The following ZFAT variants were observed in gnomAD, a reference collection of about 807,000 sequenced individuals.
The protein encoded by ZFAT is zinc finger protein ZFAT.
A neutral mutation model predicts 117.7 loss-of-function variants in ZFAT; 64 were observed. That is an observed-to-expected ratio of 0.54 (90% CI 0.44 to 0.67). ZFAT has a LOEUF of 0.67. ZFAT is among the 30% of genes least tolerant of loss of function. The pLI, the probability that ZFAT is intolerant of heterozygous loss-of-function variation, is 0.00. For synonymous variants in ZFAT, 679 were observed against 615.0 expected (o/e 1.10, Z -1.54); for missense variants, 1,433 against 1,584.5 (o/e 0.90, Z 1.62).
intron 7 of ZFAT, among the ~76,000 whole-genome samples, chr8:134,593,150 G>A (rs575496972): frequency 3.9e-5 from 6 of 152,280 alleles, no homozygotes; most frequent in Admixed American, 2.6e-4. Flanking sequence ...CTCGGTGCCC[G>A]CATCATCAGA....
rs140837596 is a variant in ZFAT at position 134,517,905 on chromosome 8, G to T, written c.3234+2978C>A. Among the ~76,000 whole-genome samples the T allele has an allele frequency of 2.5e-3, 379 of 152,280 alleles. 1 individual carries two copies. The highest frequency in any genetic ancestry group is 8.6e-3 in the African/African-American group (359 of 41,538). On this transcript the variant is annotated intron_variant, in intron 13 of 15. Coordinates refer to ENST00000377838, the MANE Select transcript of ZFAT (RefSeq NM_020863.4). Reference sequence around the variant, plus strand: ...CTTCTCATCTGATCACATGGTATCAGGTCACACATGATGTCAGCATGCTTC... The same window carrying T: ...CTTCTCATCTGATCACATGGTATCATGTCACACATGATGTCAGCATGCTTC...
At chr8:134,660,408 T>C (rs966510054) in intron 1 of ZFAT, among the ~76,000 whole-genome samples, 1 of 152,190 alleles carries the variant, frequency 6.6e-6, no homozygotes, top group Non-Finnish European at 1.5e-5. Context: ...CCAAAGCACA[T>C]ATCAACTTCA....
rs569734352 is a variant in ZFAT, at chr8:134,691,627, C to T, written c.19+21218G>A. ...CAAGTCTCAGCTCCATCCTAGCTTT[C>T]TCAGAGAGACTTTTCGTAAATCCCC... On this transcript the variant is annotated intron_variant, in intron 1 of 15. Coordinates refer to ENST00000377838, the MANE Select transcript of ZFAT (RefSeq NM_020863.4). 2.0e-4 allele frequency among the ~76,000 whole-genome samples: 30 copies of T among 152,334 alleles called. No individual in the cohort carries two copies. The South Asian group carries it at 6.2e-3, about 32-fold the overall frequency.
At chr8:134,736,231 C>T in the ZFAT span, among the ~76,000 whole-genome samples, 48,760 of 152,000 alleles carry the variant, frequency 0.32, 8,123 homozygotes, top group Admixed American at 0.4. Flanking sequence ...TAAATAAAAA[C>T]GACCACACCC....
chr8:134,618,503 T>C (rs1181938482), intron 3 of ZFAT, among the ~76,000 whole-genome samples: 3 of 152,154 alleles, frequency 2.0e-5, no homozygotes, highest in Non-Finnish European at 2.9e-5. Flanking sequence ...TGGGTCTGAT[T>C]TCAAGTCTGC....
chr8:134,717,700 A>G (rs867169640), upstream of ZFAT, among the ~76,000 whole-genome samples: 1 of 150,112 alleles, frequency 6.7e-6, no homozygotes, highest in African/African-American at 2.4e-5. Flanking sequence ...GTTAGCCAGG[A>G]TGGTCTCCAT....
At chr8:134,751,646 T>A in the ZFAT span, among the ~76,000 whole-genome samples, 2 of 152,216 alleles carry the variant, frequency 1.3e-5, no homozygotes, top group Middle Eastern at 3.2e-3. Context: ...GAAGTAGGGC[T>A]GTACCTGCAA....
the ZFAT span, among the ~76,000 whole-genome samples, chr8:134,742,604 G>A: frequency 1.3e-5 from 2 of 152,076 alleles, no homozygotes; most frequent in African/African-American, 4.8e-5. Flanking sequence ...CTCCAGACTC[G>A]CATCCGCCCA....
chr8:134,636,661 G>A (rs1830227863), intron 3 of ZFAT, among the ~76,000 whole-genome samples: 1 of 152,214 alleles, frequency 6.6e-6, no homozygotes, highest in African/African-American at 2.4e-5. Flanking sequence ...ATGGGGTACA[G>A]TTTGAAGGCT....
chr8:134,788,067 A>AT, the ZFAT span, among the ~76,000 whole-genome samples: 20 of 152,262 alleles, frequency 1.3e-4, no homozygotes, highest in Non-Finnish European at 2.4e-4. Flanking sequence ...TTATTGGCTA[A>AT]TATCTCAAAT....
At chr8:134,490,608 C>T (rs74479674) in intron 15 of ZFAT, among the ~76,000 whole-genome samples, 2,393 of 152,294 alleles carry the variant, frequency 0.016, 60 homozygotes, top group African/African-American at 0.054. Flanking sequence ...AGAGGGGCTA[C>T]GGAATACAGC....
At chr8:134,742,907 T>C in the ZFAT span, among the ~76,000 whole-genome samples, 1 of 152,242 alleles carries the variant, frequency 6.6e-6, no homozygotes, top group East Asian at 1.9e-4. Context: ...TGCCAGCGCC[T>C]CACCCAGAGG....
chr8:134,627,557 T>C (rs1056686502), intron 3 of ZFAT, among the ~76,000 whole-genome samples: 3 of 152,316 alleles, frequency 2.0e-5, no homozygotes, highest in Non-Finnish European at 4.4e-5. Flanking sequence ...CAAGTATAGA[T>C]GGCAGCCAGT....
chr8:134,555,079 C>G (rs1823467280), intron 11 of ZFAT, among the ~76,000 whole-genome samples: 1 of 152,130 alleles, frequency 6.6e-6, no homozygotes, highest in Non-Finnish European at 1.5e-5. Context: ...GAATACAAAG[C>G]AAAATCAGCA....
chr8:134,766,525 C>T, the ZFAT span: 1 of 152,154 alleles, frequency 6.6e-6, no homozygotes, highest in East Asian at 1.9e-4. Flanking sequence ...TCTGCCTTTC[C>T]AATCCCAGCA....
chr8:134,670,022 TA>T (rs1332358031), intron 1 of ZFAT, among the ~76,000 whole-genome samples: 1 of 152,096 alleles, frequency 6.6e-6, no homozygotes, highest in African/African-American at 2.4e-5. Context: ...TACATAATGG[TA>T]AAGGGACCAA....
intron 15 of ZFAT, among the ~76,000 whole-genome samples, chr8:134,495,484 C>T (rs74361642): frequency 0.03 from 4,643 of 152,280 alleles, 230 homozygotes; most frequent in African/African-American, 0.11. Context: ...GGTTCATCAT[C>T]ATGCCTCCCC....
chr8:134,560,229 TCTCA>T (rs1423625402), intron 11 of ZFAT, among the ~76,000 whole-genome samples: 4 of 152,178 alleles, frequency 2.6e-5, no homozygotes, highest in African/African-American at 7.2e-5. Flanking sequence ...GTTTTTCTCC[TCTCA>T]CTCTCTCTCT....
intron 1 of ZFAT, among the ~76,000 whole-genome samples, chr8:134,674,450 G>A (rs1337419097): frequency 6.6e-6 from 1 of 152,190 alleles, no homozygotes; most frequent in East Asian, 1.9e-4. Flanking sequence ...TGAGTAGGCG[G>A]TTTTACCCTC....
Sources: gnomAD v4.1 joint callset for allele counts (sites outside exome capture counted in the v4.1 genomes callset) on GRCh38, gnomAD v4.1.1 for gene constraint, MANE v1.5 for transcripts, NCBI Gene and HGNC (gene_info 2026-07-23, HGNC 2026-07-21) for gene names.